Variants in SH3RF3 observed in about 807,000 individuals in gnomAD.
The protein encoded by SH3RF3 is SH3 domain containing ring finger 3.
Under a neutral mutation model 66.3 loss-of-function variants are expected in SH3RF3, and 29 were observed. That is an observed-to-expected ratio of 0.44 (90% CI 0.33 to 0.60). The LOEUF (loss-of-function observed/expected upper bound fraction) is 0.60, where lower values mean the gene tolerates loss of function less well. Ranked by LOEUF, SH3RF3 falls within the 20% of genes least tolerant of loss-of-function variation. The pLI is 0.04. For synonymous variants in SH3RF3, 583 were observed against 532.0 expected (o/e 1.10, Z -1.32); for missense variants, 1,194 against 1,190.9 (o/e 1.00, Z -0.04).
chr2:109,489,904 A>AT (rs1439480912), intron 8 of SH3RF3, among the ~76,000 whole-genome samples: 3 of 152,022 alleles, frequency 2.0e-5, no homozygotes, highest in Non-Finnish European at 4.4e-5. Flanking sequence ...CACTCAGCTA[A>AT]TTTTTGTATT....
At chr2:109,173,560 AGAGCTGGTGGCTGCGGGGAAGG>A (rs1677840146) in intron 1 of SH3RF3, among the ~76,000 whole-genome samples, 7 of 152,190 alleles carry the variant, frequency 4.6e-5, no homozygotes, top group Non-Finnish European at 1.0e-4. Flanking sequence ...CTCTAACAGC[AGAGCTGGTGGCTGCGGGGAAGG>A]CCACACAGAC....
At chr2:109,476,130 T>C (rs543620403) in intron 8 of SH3RF3, among the ~76,000 whole-genome samples, 8 of 152,238 alleles carry the variant, frequency 5.3e-5, no homozygotes, top group Admixed American at 1.3e-4. Flanking sequence ...AAGAGGAAAT[T>C]ATTTAAAATT....
chr2:109,492,185 C>T (rs540805073), intron 9 of SH3RF3, among the ~76,000 whole-genome samples: 6 of 152,160 alleles, frequency 3.9e-5, no homozygotes, highest in East Asian at 3.9e-4. Context: ...ATTTAAATTT[C>T]GTACAATTTT....
intron 8 of SH3RF3, among the ~76,000 whole-genome samples, chr2:109,468,811 G>A (rs55736161): frequency 0.033 from 4,835 of 147,888 alleles, 246 homozygotes; most frequent in African/African-American, 0.1. Flanking sequence ...CCAAGATCGC[G>A]GCAGTGCACT....
chr2:109,421,415 A>G (rs1676875260), intron 5 of SH3RF3, among the ~76,000 whole-genome samples: 1 of 152,240 alleles, frequency 6.6e-6, no homozygotes, highest in Non-Finnish European at 1.5e-5. Context: ...AGGCGAGCTC[A>G]AGGCTTAGCC....
chr2:109,449,393 C>A lies in SH3RF3; in HGVS notation c.2052C>A (p.Asn684Lys), dbSNP rs772665739. Residue 684 changes from asparagine (N) to lysine (K), a missense_variant, in exon 8 of 10, where the codon AAC (asparagine) becomes AAA (lysine). Coordinates refer to ENST00000309415, the MANE Select transcript of SH3RF3 (RefSeq NM_001099289.3). The part of the protein sequence containing the change: ...AITPPNVSAA[N>K]LNGEAGGGPI... ...CACCTCCCAACGTCAGTGCCGCAAA[C>A]CTCAACGGGGAGGCTGGAGGGGGGC... is the stretch of plus-strand genomic sequence containing the variant. The A allele has an allele frequency of 6.2e-7, 1 of 1,612,818 alleles. No individual in the cohort carries two copies. The highest frequency in any genetic ancestry group is 8.5e-7 in the Non-Finnish European group (1 of 1,179,290).
chr2:109,173,923 A>G (rs947401667), intron 1 of SH3RF3, among the ~76,000 whole-genome samples: 1 of 152,208 alleles, frequency 6.6e-6, no homozygotes, highest in African/African-American at 2.4e-5. Flanking sequence ...GGTGTGGGCC[A>G]ATTCTTATGC....
At chr2:109,382,023 G>A (rs4327260) in intron 3 of SH3RF3, among the ~76,000 whole-genome samples, 24,540 of 152,066 alleles carry the variant, frequency 0.16, 2,108 homozygotes, top group Middle Eastern at 0.25. Context: ...CCTGTGCACA[G>A]CCTCCATAAG....
At chr2:109,435,412 G>A (rs927741346) in intron 6 of SH3RF3, among the ~76,000 whole-genome samples, 8 of 152,368 alleles carry the variant, frequency 5.3e-5, no homozygotes, top group East Asian at 1.9e-4. Context: ...GAGGGTAGGC[G>A]AAGGCCTACT....
chr2:109,437,046 G>GGCCCAC lies in SH3RF3; in HGVS notation c.1734_1739dup (p.His578_Ala579dup), dbSNP rs142655777. ...CCGCCCTGCCCATCACCACTCCCCA[G>GGCCCAC]GCCCACGCCCAGCACCCCACAGCCT... is the stretch of plus-strand genomic sequence containing the variant. On this transcript the variant is annotated inframe_insertion, in exon 7 of 10. Transcript: ENST00000309415. 600 of 1,613,796 alleles carry GGCCCAC rather than the reference G, an allele frequency of 3.7e-4. 3 individuals carry two copies. In the African/African-American group the frequency reaches 7.0e-3, roughly 19 times the overall value.
Position 109,129,557 on chromosome 2 carries a change from C to T in SH3RF3, c.17C>T (p.Ser6Phe). 2 of 1,492,352 alleles carry T rather than the reference C, an allele frequency of 1.3e-6. No homozygotes were observed. The highest frequency in any genetic ancestry group is 1.8e-6 in the Non-Finnish European group (2 of 1,128,716). 92.4% of individuals were successfully genotyped at this position (1,492,352 alleles called of 1,614,324 possible). The change falls in exon 1 of 10, where the codon TCC becomes TTC. Residue 6 changes from serine (S) to phenylalanine (F), a missense_variant. Ser to Phe is a radical substitution (Grantham distance 155). Transcript: ENST00000309415. Reference protein sequence around the residue: MLLGASWLCASKAAAA... With the variant: MLLGAFWLCASKAAAA... Reference sequence around the variant, plus strand: ...GCCTCCCCCATGCTGCTCGGAGCGTCCTGGCTGTGCGCATCCAAGGCGGCC... The same window carrying T: ...GCCTCCCCCATGCTGCTCGGAGCGTTCTGGCTGTGCGCATCCAAGGCGGCC...
At chr2:109,311,468 A>C (rs1376467552) in intron 1 of SH3RF3, among the ~76,000 whole-genome samples, 1 of 148,960 alleles carries the variant, frequency 6.7e-6, no homozygotes, top group Non-Finnish European at 1.5e-5. Context: ...CTCCTATTCA[A>C]CATAGTGTTG....
chr2:109,354,371 A>G (rs890479357), intron 2 of SH3RF3, among the ~76,000 whole-genome samples: 3 of 152,016 alleles, frequency 2.0e-5, no homozygotes, highest in South Asian at 4.1e-4. Context: ...CTAGGAAACC[A>G]CTCGACTGCA....
At chr2:109,303,579 C>T (rs1256076620) in intron 1 of SH3RF3, among the ~76,000 whole-genome samples, 2 of 152,168 alleles carry the variant, frequency 1.3e-5, no homozygotes, top group Non-Finnish European at 2.9e-5. Context: ...CGATGATGCC[C>T]AAGGGACGGG....
intron 1 of SH3RF3, among the ~76,000 whole-genome samples, chr2:109,298,227 A>G (rs949322654): frequency 2.0e-5 from 3 of 152,188 alleles, no homozygotes; most frequent in African/African-American, 7.2e-5. Flanking sequence ...AAGGAGAGGC[A>G]TGGAGAGCAG....
chr2:109,223,002 G>T, intron 1 of SH3RF3, among the ~76,000 whole-genome samples: 1 of 152,232 alleles, frequency 6.6e-6, no homozygotes, highest in East Asian at 1.9e-4. Context: ...GCACCCTTCA[G>T]GGTGAAGAGG....
chr2:109,134,620 C>T (rs536501817), intron 1 of SH3RF3, among the ~76,000 whole-genome samples: 10 of 152,238 alleles, frequency 6.6e-5, no homozygotes, highest in East Asian at 3.9e-4. Flanking sequence ...TACACAGGTA[C>T]GGAAATTAAG....
chr2:109,333,157 C>T (rs538583516), intron 1 of SH3RF3, among the ~76,000 whole-genome samples: 9 of 152,306 alleles, frequency 5.9e-5, no homozygotes, highest in East Asian at 3.9e-4. Context: ...TGATCTTGCT[C>T]GCGGCAGCAC....
rs527460821 is a variant in SH3RF3, at chr2:109,347,771, G to A, written c.671G>A (p.Arg224Gln). 2.7e-5 allele frequency: 43 copies of A among 1,613,964 alleles called. No individual in the cohort carries two copies. The highest frequency in any genetic ancestry group is 2.2e-4 in the Admixed American group (13 of 60,030). ...AACAAGGGGGACATCATCGTCCTGC[G>A]GCGCAAGGTGGATGAACAGTGGTAC... ...KFNKGDIIVL[R>Q]RKVDEQWYHG... is the part of the protein sequence containing the mutation. The change falls in exon 2 of 10, where the codon CGG becomes CAG. Residue 224 changes from arginine (R) to glutamine (Q), a missense_variant. Coordinates refer to ENST00000309415, the MANE Select transcript of SH3RF3 (RefSeq NM_001099289.3).
Sources: gnomAD v4.1 joint callset for allele counts (sites outside exome capture counted in the v4.1 genomes callset) on GRCh38, gnomAD v4.1.1 for gene constraint, MANE v1.5 for transcripts, NCBI Gene and HGNC (gene_info 2026-07-23, HGNC 2026-07-21) for gene names.